The following ATP8B4 variants were observed in gnomAD, a reference collection of about 807,000 sequenced individuals.
ATP8B4 encodes ATPase phospholipid transporting 8B4 (putative).
Under a neutral mutation model 145.6 loss-of-function variants are expected in ATP8B4, and 133 were observed. The observed-to-expected ratio is 0.91, with a 90% CI of 0.79 to 1.05. The LOEUF (loss-of-function observed/expected upper bound fraction) is 1.05. Ranked by LOEUF, ATP8B4 falls within the 50% of genes least tolerant of loss-of-function variation. ATP8B4 has a pLI of 0.00. For synonymous variants in ATP8B4, 507 were observed against 492.9 expected, an observed-to-expected ratio of 1.03 and a Z score of -0.38; for missense variants, 1,458 against 1,425.2, an observed-to-expected ratio of 1.02 and a Z score of -0.37.
intron 2 of ATP8B4, among the ~76,000 whole-genome samples, chr15:50,105,799 T>C (rs2056649210): frequency 6.6e-6 from 1 of 152,222 alleles, no homozygotes; most frequent in Non-Finnish European, 1.5e-5. Flanking sequence ...GAATAAGACC[T>C]GGATCTCAGA....
At chr15:49,903,182 C>T (rs1038306430) in intron 20 of ATP8B4, among the ~76,000 whole-genome samples, 5 of 152,126 alleles carry the variant, frequency 3.3e-5, no homozygotes, top group African/African-American at 9.7e-5. Context: ...CTGTAGCTGT[C>T]ATTTCTTTTT....
intron 20 of ATP8B4, among the ~76,000 whole-genome samples, chr15:49,907,090 G>A (rs1010510507): frequency 6.6e-6 from 1 of 152,184 alleles, no homozygotes; most frequent in African/African-American, 2.4e-5. Context: ...AAGAGGGAAA[G>A]CCAACAACAA....
intron 25 of ATP8B4, among the ~76,000 whole-genome samples, chr15:49,868,363 CA>C (rs1312862100): frequency 1.3e-5 from 2 of 152,050 alleles, no homozygotes; most frequent in African/African-American, 2.4e-5. Flanking sequence ...AATGTAAAGG[CA>C]AAGACAGAAA....
intron 1 of ATP8B4, among the ~76,000 whole-genome samples, chr15:50,153,390 G>A (rs987157355): frequency 6.6e-6 from 1 of 150,432 alleles, no homozygotes; most frequent in Admixed American, 6.6e-5. Flanking sequence ...CCAGGCTGGA[G>A]TACAGTGGCA....
rs1234561875 is a variant in ATP8B4, at chr15:49,918,695, A to ACTTCCT, written c.2035+138_2035+143dup. The ACTTCCT allele has an allele frequency of 1.3e-5, 8 of 619,508 alleles. No individual in the cohort carries two copies. In the East Asian group the frequency reaches 2.0e-4, roughly 15 times the overall value. The allele number at this position is 619,508 out of a possible 1,614,324, so 38.4% of individuals were successfully genotyped here. Reference sequence around the variant, plus strand: ...TAAAATAGATTCTTGCAATACATTAACTTCCTCTTCTCTATTTCAAGTCTT... The same window carrying ACTTCCT: ...TAAAATAGATTCTTGCAATACATTAACTTCCTCTTCCTCTTCTCTATTTCAAGTCTT... On this transcript the variant is annotated intron_variant, in intron 19 of 27. Coordinates refer to ENST00000284509, the MANE Select transcript of ATP8B4 (RefSeq NM_024837.4).
chr15:49,949,085 T>C (rs1191420994), intron 14 of ATP8B4, among the ~76,000 whole-genome samples: 1 of 152,180 alleles, frequency 6.6e-6, no homozygotes, highest in African/African-American at 2.4e-5. Flanking sequence ...GTAGTATAGT[T>C]TGAAGTCAGG....
intron 7 of ATP8B4, among the ~76,000 whole-genome samples, chr15:50,006,471 T>G (rs1249484761): frequency 9.2e-6 from 1 of 108,460 alleles, no homozygotes; most frequent in Non-Finnish European, 1.8e-5. Context: ...AAAAGAGCAA[T>G]GAGGGCAATG....
In ATP8B4 at chr15:49,910,394, G is replaced by A. The variant is rs997909833; in HGVS notation, c.2141+6540C>T. 2.6e-5 allele frequency among the ~76,000 whole-genome samples: 4 copies of A among 152,226 alleles called. No homozygotes were observed. The South Asian group carries it at 8.3e-4, about 32-fold the overall frequency. On this transcript the variant is annotated intron_variant, in intron 20 of 27. Coordinates refer to ENST00000284509, the MANE Select transcript of ATP8B4 (RefSeq NM_024837.4). ...ATCTGAATTATCAGCATTCCCAAAGGTGAAGAGAGAACAAAAGCATTCAAA... is the reference window on the plus strand; with the variant it reads ...ATCTGAATTATCAGCATTCCCAAAGATGAAGAGAGAACAAAAGCATTCAAA...
chr15:50,109,203 GA>G (rs1337260326), intron 1 of ATP8B4, among the ~76,000 whole-genome samples: 3 of 152,278 alleles, frequency 2.0e-5, no homozygotes, highest in Admixed American at 2.0e-4. Flanking sequence ...AAGAGCAGAA[GA>G]AAGAAGAGAA....
chr15:49,909,094 AG>A (rs2038943396), intron 20 of ATP8B4, among the ~76,000 whole-genome samples: 1 of 152,064 alleles, frequency 6.6e-6, no homozygotes, highest in African/African-American at 2.4e-5. Flanking sequence ...AGCGGGGAGA[AG>A]GGGAACATAC....
chr15:50,172,985 C>T (rs1160665201), intron 1 of ATP8B4, among the ~76,000 whole-genome samples: 2 of 150,154 alleles, frequency 1.3e-5, no homozygotes, highest in East Asian at 2.0e-4. Flanking sequence ...AGCCCCCGCC[C>T]GGCCAGCCGC....
At position 50,172,791 on chromosome 15, in the gene ATP8B4, C is replaced by G. The variant is rs1056377430; in HGVS notation, c.-43+9470G>C. Among the ~76,000 whole-genome samples the G allele has an allele frequency of 7.9e-5, 12 of 151,852 alleles. No individual in the cohort carries two copies. The East Asian group carries it at 2.3e-3, about 30-fold the overall frequency. Reference sequence around the variant, plus strand: ...GATGTGAAGAGCGCCTCTGCCCGGCCGCGACCCTGTCTGGGAAATGAGGAG... The same window carrying G: ...GATGTGAAGAGCGCCTCTGCCCGGCGGCGACCCTGTCTGGGAAATGAGGAG... On this transcript the variant is annotated intron_variant, in intron 1 of 3. Coordinates refer to the ATP8B4 transcript ENST00000558829.
intron 15 of ATP8B4, among the ~76,000 whole-genome samples, chr15:49,932,205 T>C (rs1164506743): frequency 6.6e-6 from 1 of 151,946 alleles, no homozygotes; most frequent in Non-Finnish European, 1.5e-5. Context: ...ATGAGTTCTT[T>C]TTGTTAAAAA....
At chr15:50,076,511 A>G (rs1435216346) in intron 2 of ATP8B4, among the ~76,000 whole-genome samples, 3 of 152,048 alleles carry the variant, frequency 2.0e-5, no homozygotes. Context: ...GAAAAAAGAA[A>G]AAAAAGAAAC....
chr15:50,019,057 C>A, intron 6 of ATP8B4: 1 of 715,370 alleles, frequency 1.4e-6, no homozygotes, highest in South Asian at 1.5e-5. Flanking sequence ...AAACAAAAAC[C>A]AGGAAATTTT....
At chr15:50,173,557 G>C (rs912884531) in intron 1 of ATP8B4, among the ~76,000 whole-genome samples, 1 of 152,060 alleles carries the variant, frequency 6.6e-6, no homozygotes, top group Non-Finnish European at 1.5e-5. Flanking sequence ...TAAACACTGC[G>C]GAAGGCAGAA....
chr15:49,925,449 A>G (rs370644431), intron 16 of ATP8B4, among the ~76,000 whole-genome samples: 40 of 152,190 alleles, frequency 2.6e-4, no homozygotes, highest in East Asian at 9.6e-4. Flanking sequence ...AATAATAGTG[A>G]TATTATAATG....
chr15:49,870,083 CA>C (rs1006115922), intron 25 of ATP8B4, among the ~76,000 whole-genome samples: 1 of 151,736 alleles, frequency 6.6e-6, no homozygotes, highest in Non-Finnish European at 1.5e-5. Flanking sequence ...GCCTTAATAG[CA>C]AAAAACATAT....
intron 3 of ATP8B4, among the ~76,000 whole-genome samples, chr15:50,060,987 A>T (rs948850730): frequency 6.6e-6 from 1 of 152,160 alleles, no homozygotes; most frequent in Non-Finnish European, 1.5e-5. Flanking sequence ...AATCCAAGGG[A>T]GTCCCATTTG....
Sources: gnomAD v4.1 joint callset for allele counts (sites outside exome capture counted in the v4.1 genomes callset) on GRCh38, gnomAD v4.1.1 for gene constraint, MANE v1.5 for transcripts, NCBI Gene and HGNC (gene_info 2026-07-23, HGNC 2026-07-21) for gene names.